DNAAF5: variants seen among roughly 807,000 people sequenced by gnomAD.
DNAAF5 encodes the protein dynein axonemal assembly factor 5, also known as HEAT repeat containing 2.
A neutral mutation model predicts 75.8 loss-of-function variants in DNAAF5; 64 were observed. The observed-to-expected ratio is 0.84, with a 90% CI of 0.69 to 1.04. The LOEUF (loss-of-function observed/expected upper bound fraction) is 1.04. Among genes scored for constraint, DNAAF5 ranks in the 50% least tolerant of loss-of-function variants. The pLI, the probability that DNAAF5 is intolerant of heterozygous loss-of-function variation, is 0.00. For missense variants in DNAAF5, 1,269 were observed against 1,178.5 expected (o/e 1.08, Z -1.12); for synonymous variants, 657 against 557.2 (o/e 1.18, Z -2.52).
Position 730,082 on chromosome 7 carries a change from G to A in DNAAF5, c.780+235G>A, listed in dbSNP as rs80057650. Among the ~76,000 whole-genome samples the A allele has an allele frequency of 3.6e-3, 544 of 152,344 alleles. 9 individuals are homozygous for A. In the South Asian group the frequency reaches 0.042, roughly 12 times the overall value. On this transcript the variant is annotated intron_variant, in intron 2 of 12. Coordinates refer to ENST00000297440, the MANE Select transcript of DNAAF5 (RefSeq NM_017802.4). The stretch of plus-strand genomic sequence containing the variant: ...AAGGATGTTAGAAAGGATGACTTGT[G>A]TAGTTATTGTCTCTTAGGCACAGTG...
intron 4 of DNAAF5, among the ~76,000 whole-genome samples, chr7:746,595 C>T (rs568804509): frequency 6.6e-6 from 1 of 150,990 alleles, no homozygotes; most frequent in African/African-American, 2.4e-5. Flanking sequence ...CCCCGCCCGT[C>T]GTGCCTAGGG....
intron 4 of DNAAF5, among the ~76,000 whole-genome samples, chr7:750,150 T>C (rs1320876841): frequency 6.6e-6 from 1 of 152,234 alleles, no homozygotes; most frequent in Non-Finnish European, 1.5e-5. Flanking sequence ...TTTCTGTGTT[T>C]GGAAACACTC....
At position 775,093 on chromosome 7, in the gene DNAAF5, A is replaced by G. The variant is rs1778715993; in HGVS notation, c.2170A>G (p.Ile724Val). 3 of 1,613,996 alleles carry G rather than the reference A, an allele frequency of 1.9e-6. No individual in the cohort carries two copies. The highest frequency in any genetic ancestry group is 8.5e-7 in the Non-Finnish European group (1 of 1,180,016). ...SKMTRLISCR[I>V]INTFLKTSGG... ...GATGACGCGACTGATCTCATGCCGT[A>G]TTATCAACACGTTCTTAAAAACCTC... is the stretch of plus-strand genomic sequence containing the variant. The change falls in exon 11 of 13, where the codon ATT (isoleucine) becomes GTT (valine). Residue 724 changes from isoleucine (I) to valine (V), a missense_variant. Physicochemically the swap from Ile to Val is conservative, Grantham distance 29. Transcript: ENST00000297440.
chr7:758,138 A>G (rs1258606396), intron 6 of DNAAF5, among the ~76,000 whole-genome samples: 2 of 152,246 alleles, frequency 1.3e-5, no homozygotes, highest in South Asian at 2.1e-4. Context: ...CGTTTTTAAC[A>G]CATCATCGAA....
At chr7:750,285 G>A (rs141639526) in intron 4 of DNAAF5, among the ~76,000 whole-genome samples, 1 of 152,210 alleles carries the variant, frequency 6.6e-6, no homozygotes, top group African/African-American at 2.4e-5. Context: ...CACGTAGGAG[G>A]CTGCGCCATC....
intron 12 of DNAAF5, among the ~76,000 whole-genome samples, chr7:782,302 T>A (rs35217688): frequency 6.9e-6 from 1 of 144,532 alleles, no homozygotes; most frequent in Non-Finnish European, 1.5e-5. Context: ...CGGATCTTCC[T>A]GGCGTGGCCG....
chr7:749,148 C>CCGT (rs1782212256), intron 4 of DNAAF5, among the ~76,000 whole-genome samples: 2 of 152,198 alleles, frequency 1.3e-5, no homozygotes, highest in Admixed American at 6.5e-5. Flanking sequence ...GCACCACTTA[C>CCGT]CGTCCTCAAG....
At chr7:753,462 TGCAGAGGA>T (rs1403231843) in intron 4 of DNAAF5, among the ~76,000 whole-genome samples, 1 of 152,198 alleles carries the variant, frequency 6.6e-6, no homozygotes, top group Non-Finnish European at 1.5e-5. Flanking sequence ...GGGGCTGCAG[TGCAGAGGA>T]GCAGAGGAAG....
At chr7:778,352 C>T (rs1486890781) in intron 11 of DNAAF5, 1 of 152,184 alleles carries the variant, frequency 6.6e-6, no homozygotes, top group African/African-American at 2.4e-5. Context: ...CTCTGGGCTT[C>T]CCAGGGTGAA....
chr7:776,204 T>TG (rs1374766329), intron 11 of DNAAF5, among the ~76,000 whole-genome samples: 1 of 151,898 alleles, frequency 6.6e-6, no homozygotes, highest in Non-Finnish European at 1.5e-5. Flanking sequence ...GACATGGTGG[T>TG]GCGCGCCTGT....
At chr7:784,267 T>C (rs1779078700) in intron 12 of DNAAF5, among the ~76,000 whole-genome samples, 1 of 152,216 alleles carries the variant, frequency 6.6e-6, no homozygotes, top group South Asian at 2.1e-4. Context: ...CTCTGCTGTG[T>C]CTGCACCGCT....
rs376031643 is a variant in DNAAF5, at chr7:738,808, T to C, written c.781-2011T>C. 9.2e-5 allele frequency among the ~76,000 whole-genome samples: 14 copies of C among 152,324 alleles called. No individual in the cohort carries two copies. The East Asian group carries it at 2.5e-3, about 27-fold the overall frequency. ...GCTGTCCTTGCTATCAGGTGAGATG[T>C]TTGAAGCTCCTTTCTGCAAAAGAAG... On this transcript the variant is annotated intron_variant, in intron 2 of 12. Coordinates refer to ENST00000297440, the MANE Select transcript of DNAAF5 (RefSeq NM_017802.4).
chr7:751,786 G>A (rs181565860), intron 4 of DNAAF5, among the ~76,000 whole-genome samples: 2,006 of 152,020 alleles, frequency 0.013, 21 homozygotes, highest in Non-Finnish European at 0.02. Flanking sequence ...GTTAGTCAGG[G>A]TGGTCTTGAA....
chr7:782,076 G>C (rs927367222), intron 12 of DNAAF5, among the ~76,000 whole-genome samples: 3 of 152,180 alleles, frequency 2.0e-5, no homozygotes, highest in Non-Finnish European at 4.4e-5. Context: ...CCGGTTTCCC[G>C]GCGTGGCTAC....
intron 4 of DNAAF5, among the ~76,000 whole-genome samples, chr7:741,688 TC>T (rs1781917082): frequency 6.6e-6 from 1 of 152,274 alleles, no homozygotes; most frequent in South Asian, 2.1e-4. Context: ...CAGTGACCTC[TC>T]CCCTCCTCTG....
chr7:727,981 A>C (rs1199084223), intron 1 of DNAAF5, among the ~76,000 whole-genome samples: 1 of 151,416 alleles, frequency 6.6e-6, no homozygotes, highest in Non-Finnish European at 1.5e-5. Context: ...GGTTGAGGGC[A>C]CGCGCTTTGA....
At chr7:738,719 G>C (rs1425053553) in intron 2 of DNAAF5, among the ~76,000 whole-genome samples, 1 of 152,206 alleles carries the variant, frequency 6.6e-6, no homozygotes, top group Non-Finnish European at 1.5e-5. Context: ...ATGATACTAA[G>C]TAGAGACTGA....
intron 6 of DNAAF5, among the ~76,000 whole-genome samples, chr7:759,347 T>C (rs1165230012): frequency 6.6e-6 from 1 of 152,190 alleles, no homozygotes; most frequent in Admixed American, 6.5e-5. Context: ...TCGGGCCCAG[T>C]AGGTCCCCTA....
intron 4 of DNAAF5, among the ~76,000 whole-genome samples, chr7:748,575 CCT>C (rs1782191560): frequency 6.6e-6 from 1 of 152,196 alleles, no homozygotes; most frequent in Admixed American, 6.5e-5. Flanking sequence ...AGCTCCCGCT[CCT>C]CTCCTCAGAG....
Sources: allele counts gnomAD v4.1 joint callset (sites outside exome capture counted in the v4.1 genomes callset), GRCh38; gene constraint gnomAD v4.1.1; transcripts MANE v1.5; gene names NCBI Gene and HGNC (gene_info 2026-07-23, HGNC 2026-07-21).